The following STK32B variants were observed in gnomAD, a reference collection of about 807,000 sequenced individuals.
STK32B encodes the protein serine/threonine-protein kinase 32B.
STK32B carries 43 observed loss-of-function variants against 52.6 expected under a neutral mutation model. The ratio of observed to expected loss-of-function variants is 0.82; its 90% CI spans 0.64 to 1.05. The LOEUF is 1.05. Among genes scored for constraint, STK32B ranks in the 50% least tolerant of loss-of-function variants. The probability of loss-of-function intolerance (pLI) is 0.00; values close to 1 mark genes in which losing one functional copy is unlikely to be tolerated. For synonymous variants in STK32B, 238 were observed against 204.3 expected (o/e 1.17, Z -1.41); for missense variants, 621 against 534.6 (o/e 1.16, Z -1.59).
intron 11 of STK32B, among the ~76,000 whole-genome samples, chr4:5,492,692 G>A (rs1719846014): frequency 6.6e-6 from 1 of 151,086 alleles, no homozygotes; most frequent in African/African-American, 2.5e-5. Flanking sequence ...TGCCCATTCA[G>A]TATGATATTG....
At chr4:5,346,588 C>T (rs1466970890) in intron 4 of STK32B, among the ~76,000 whole-genome samples, 2 of 152,146 alleles carry the variant, frequency 1.3e-5, no homozygotes, top group Non-Finnish European at 1.5e-5. Flanking sequence ...CAGGCCTGGC[C>T]ACTCACCGCT....
intron 3 of STK32B, 98 bp from the exon 4 acceptor site, chr4:5,331,122 T>A: frequency 8.1e-7 from 1 of 1,234,028 alleles, no homozygotes; most frequent in Non-Finnish European, 1.1e-6. Context: ...TGCCTCTCTC[T>A]GAGCCTCAGT....
intron 3 of STK32B, among the ~76,000 whole-genome samples, chr4:5,286,003 C>T (rs1401249755): frequency 6.6e-6 from 1 of 151,966 alleles, no homozygotes; most frequent in Admixed American, 6.6e-5. Context: ...GATTAGGACC[C>T]ACAGAGACAC....
chr4:5,103,542 C>T (rs1713936543), intron 1 of STK32B, among the ~76,000 whole-genome samples: 1 of 152,032 alleles, frequency 6.6e-6, no homozygotes, highest in Non-Finnish European at 1.5e-5. Flanking sequence ...TGACTCATTC[C>T]CTTATTGATG....
intron 3 of STK32B, among the ~76,000 whole-genome samples, chr4:5,186,206 G>A (rs933359647): frequency 2.6e-5 from 4 of 152,034 alleles, no homozygotes; most frequent in Non-Finnish European, 5.9e-5. Context: ...GCCCTCCTCG[G>A]GACACCAGCC....
rs533242600 is a variant in STK32B, at chr4:5,083,679, A to G, written c.52+31764A>G. 2.0e-5 allele frequency among the ~76,000 whole-genome samples: 3 copies of G among 152,324 alleles called. No individual in the cohort carries two copies. The South Asian group carries it at 6.2e-4, about 32-fold the overall frequency. ...CTGTTTATTCATCTGTGTTTAAATG[A>G]CAAAAGGAAGAGATAGTATCTATTT... On this transcript the variant is annotated intron_variant, in intron 1 of 11. Coordinates refer to ENST00000282908, the MANE Select transcript of STK32B (RefSeq NM_018401.3).
chr4:5,031,124 C>G, the STK32B span, among the ~76,000 whole-genome samples: 1 of 152,076 alleles, frequency 6.6e-6, no homozygotes, highest in Non-Finnish European at 1.5e-5. Flanking sequence ...TTTTTCTGAG[C>G]CTTCAACTGA....
chr4:5,199,791 C>T (rs1028457478), intron 3 of STK32B, among the ~76,000 whole-genome samples: 9 of 149,932 alleles, frequency 6.0e-5, no homozygotes, highest in Middle Eastern at 3.3e-3. Context: ...CCCCCACTTA[C>T]GCCACAAAAC....
chr4:5,401,354 G>C (rs1251155510), intron 5 of STK32B, among the ~76,000 whole-genome samples: 1 of 152,104 alleles, frequency 6.6e-6, no homozygotes, highest in African/African-American at 2.4e-5. Flanking sequence ...TGGTTGCATT[G>C]AATACTTTCT....
At chr4:5,359,315 T>C (rs945322730) in intron 4 of STK32B, among the ~76,000 whole-genome samples, 15 of 152,074 alleles carry the variant, frequency 9.9e-5, no homozygotes, top group Non-Finnish European at 1.9e-4. Flanking sequence ...ATTCATCCAC[T>C]CACTCATCTA....
At chr4:5,336,119 A>G (rs1577363862) in intron 4 of STK32B, among the ~76,000 whole-genome samples, 1 of 147,674 alleles carries the variant, frequency 6.8e-6, no homozygotes, top group Non-Finnish European at 1.5e-5. Context: ...AACAATGGCA[A>G]TGTTATCTGA....
At chr4:5,405,723 G>T (rs1376289611) in intron 5 of STK32B, among the ~76,000 whole-genome samples, 3 of 152,008 alleles carry the variant, frequency 2.0e-5, no homozygotes, top group Admixed American at 2.0e-4. Context: ...ACAAGATCTT[G>T]TGATAACTAA....
At chr4:5,373,507 A>G (rs761721117) in intron 4 of STK32B, among the ~76,000 whole-genome samples, 16 of 152,218 alleles carry the variant, frequency 1.1e-4, no homozygotes, top group Admixed American at 2.0e-4. Flanking sequence ...TGTTCTAGCC[A>G]GGCCTTCAAC....
chr4:5,134,656 T>G (rs1715965367), intron 1 of STK32B, among the ~76,000 whole-genome samples: 1 of 152,230 alleles, frequency 6.6e-6, no homozygotes, highest in Non-Finnish European at 1.5e-5. Flanking sequence ...AAAACAATTT[T>G]AATCATTGGA....
intron 3 of STK32B, among the ~76,000 whole-genome samples, chr4:5,316,174 T>C (rs1242397240): frequency 2.2e-5 from 2 of 92,956 alleles, no homozygotes; most frequent in Non-Finnish European, 3.9e-5. Flanking sequence ...TAAATATATA[T>C]ATAACTAAAT....
At chr4:5,316,729 A>G (rs1730852198) in intron 3 of STK32B, among the ~76,000 whole-genome samples, 1 of 8,532 alleles carries the variant, frequency 1.2e-4, no homozygotes, top group Non-Finnish European at 1.6e-4. Context: ...AATATATTAT[A>G]TAATATCTTA....
At chr4:5,455,114 C>T (rs940492748) in intron 7 of STK32B, among the ~76,000 whole-genome samples, 6 of 152,050 alleles carry the variant, frequency 3.9e-5, no homozygotes, top group African/African-American at 1.5e-4. Context: ...GGGGCAGAGG[C>T]GCACCCCTGA....
At chr4:5,417,076 A>G in intron 6 of STK32B, 142 bp downstream of exon 6, 1 of 707,320 alleles carries the variant, frequency 1.4e-6, no homozygotes, top group Non-Finnish European at 2.3e-6. Flanking sequence ...CAGTAGATAC[A>G]ATGCTCCCTC....
the STK32B span, among the ~76,000 whole-genome samples, chr4:5,026,507 A>C: frequency 1.3e-5 from 2 of 152,196 alleles, no homozygotes; most frequent in Non-Finnish European, 2.9e-5. Context: ...AAACCATCAG[A>C]TCTTGTGAGA....
Sources: gnomAD v4.1 joint callset for allele counts (sites outside exome capture counted in the v4.1 genomes callset) on GRCh38, gnomAD v4.1.1 for gene constraint, MANE v1.5 for transcripts, NCBI Gene and HGNC (gene_info 2026-07-23, HGNC 2026-07-21) for gene names.